TAOK1: variants seen among roughly 807,000 people sequenced by gnomAD.
TAOK1 encodes the protein TAO kinase 1.
TAOK1 carries 21 observed loss-of-function variants against 138.3 expected under a neutral mutation model. The observed-to-expected ratio is 0.15, with a 90% CI of 0.11 to 0.22. The LOEUF (loss-of-function observed/expected upper bound fraction) is 0.22. Among genes scored for constraint, TAOK1 ranks in the 10% least tolerant of loss-of-function variants. The pLI, the probability that TAOK1 is intolerant of heterozygous loss-of-function variation, is 1.00. For synonymous variants in TAOK1, 361 were observed against 398.4 expected (o/e 0.91, Z 1.12); for missense variants, 651 against 1,227.7 (o/e 0.53, Z 7.02).
intron 17 of TAOK1, among the ~76,000 whole-genome samples, chr17:29,524,638 A>C (rs2031977001): frequency 6.6e-6 from 1 of 152,234 alleles, no homozygotes; most frequent in South Asian, 2.1e-4. Context: ...TTACTTAGTC[A>C]ACTTGAACAT....
rs142453732 is a variant in TAOK1 at position 29,467,430 on chromosome 17, C to T, written c.204+214C>T. On this transcript the variant is annotated intron_variant, in intron 3 of 19. Coordinates refer to ENST00000261716, the MANE Select transcript of TAOK1 (RefSeq NM_020791.4). Reference sequence around the variant, plus strand: ...CTGGGACTACAGGCACCCGCCACCACGCCCAGCTAATTTTTTGTATTTTTA... The same window carrying T: ...CTGGGACTACAGGCACCCGCCACCATGCCCAGCTAATTTTTTGTATTTTTA... Among the ~76,000 whole-genome samples the T allele has an allele frequency of 4.8e-3, 728 of 152,224 alleles. 12 individuals carry two copies. The highest frequency in any genetic ancestry group is 0.017 in the African/African-American group (692 of 41,540).
intron 8 of TAOK1, among the ~76,000 whole-genome samples, chr17:29,488,460 C>CTCGGGAGTCTGAGACAGGAGAGAA (rs2031221048): frequency 2.0e-5 from 3 of 149,924 alleles, no homozygotes; most frequent in Non-Finnish European, 3.0e-5. Context: ...ATCCCAGGTA[C>CTCGGGAGTCTGAGACAGGAGAGAA]TCGGGAGGCT....
rs569518374 is a variant in TAOK1 at position 29,491,892 on chromosome 17, T to C, written c.831+27T>C. ...TCAGTTCTATTATAGTTTATTTATTTATTTTATTTTAAGACAAGGCCTCAC... is the reference window on the plus strand; with the variant it reads ...TCAGTTCTATTATAGTTTATTTATTCATTTTATTTTAAGACAAGGCCTCAC... On this transcript the variant is annotated intron_variant, in intron 10 of 19. Transcript: ENST00000261716. The C allele has an allele frequency of 5.8e-6, 9 of 1,547,048 alleles. No individual in the cohort carries two copies. The South Asian group carries it at 1.0e-4, about 18-fold the overall frequency.
chr17:29,409,522 A>G (rs1905091056), intron 1 of TAOK1, among the ~76,000 whole-genome samples: 1 of 151,502 alleles, frequency 6.6e-6, no homozygotes, highest in African/African-American at 2.4e-5. Context: ...TTTAGTAGAG[A>G]TGGGGTTTCA....
At chr17:29,526,819 TAAAAAAAAAAAAAAAA>T (rs71138830) in intron 17 of TAOK1, among the ~76,000 whole-genome samples, 3 of 50,952 alleles carry the variant, frequency 5.9e-5, no homozygotes, top group East Asian at 1.3e-3. Context: ...TCTCATCTCT[TAAAAAAAAAAAAAAAA>T]AAAAAAAAAA....
chr17:29,496,146 G>C (rs757160627), intron 11 of TAOK1, among the ~76,000 whole-genome samples: 5 of 151,970 alleles, frequency 3.3e-5, no homozygotes, highest in Admixed American at 6.6e-5. Context: ...TGTTGCCCAG[G>C]TTGGAGTGCA....
At chr17:29,519,542 A>C (rs2031879920) in intron 16 of TAOK1, among the ~76,000 whole-genome samples, 1 of 152,088 alleles carries the variant, frequency 6.6e-6, no homozygotes, top group African/African-American at 2.4e-5. Context: ...AAAGAAAAGA[A>C]AAAAATTATT....
rs775950791 is a variant in TAOK1 at position 29,482,291 on chromosome 17, A to G, written c.655+3A>G. On this transcript the variant is annotated splice_donor_region_variant and intron_variant, in intron 8 of 19. Transcript: ENST00000261716. ...TGGAATAACATGTATTGAACTAGGT[A>G]AGCATTGTTCTTCATTACTATGGAT... is the stretch of plus-strand genomic sequence containing the variant. 3 of 1,602,744 alleles carry G rather than the reference A, an allele frequency of 1.9e-6. No individual in the cohort carries two copies. Among genetic ancestry groups the G allele is most frequent in the South Asian group, 2.2e-5 (2 of 89,764 alleles).
chr17:29,513,139 GATAAA>G (rs2031754798), intron 15 of TAOK1: 1 of 129,366 alleles, frequency 7.7e-6, no homozygotes. Context: ...GATTGATTTT[GATAAA>G]ATAAGTATAA....
intron 1 of TAOK1, among the ~76,000 whole-genome samples, chr17:29,429,023 G>T (rs538279025): frequency 7.9e-4 from 120 of 152,178 alleles, no homozygotes; most frequent in Admixed American, 1.4e-3. Context: ...GAAAAATAGA[G>T]AATTTTTGAT....
intron 1 of TAOK1, among the ~76,000 whole-genome samples, chr17:29,415,032 T>C (rs1185833340): frequency 6.7e-6 from 1 of 150,268 alleles, no homozygotes; most frequent in African/African-American, 2.4e-5. Context: ...GGCGCAATCT[T>C]GACCTAGGCT....
At chr17:29,407,619 T>G (rs4795506) in intron 1 of TAOK1, among the ~76,000 whole-genome samples, 121,604 of 151,510 alleles carry the variant, frequency 0.8, 49,582 homozygotes, top group East Asian at 0.98. Flanking sequence ...GCTAATTTTT[T>G]TATTTTTTGT....
chr17:29,436,045 G>A (rs1468893465), intron 1 of TAOK1, among the ~76,000 whole-genome samples: 10 of 152,192 alleles, frequency 6.6e-5, no homozygotes, highest in Non-Finnish European at 1.2e-4. Flanking sequence ...CAAGGGAATC[G>A]GTTGAACCCG....
At chr17:29,516,588 C>T (rs35237108) in intron 15 of TAOK1, among the ~76,000 whole-genome samples, 1,792 of 151,408 alleles carry the variant, frequency 0.012, 17 homozygotes, top group Non-Finnish European at 0.02. Context: ...CTGCAACCTC[C>T]ACCTCCTGGG....
intron 12 of TAOK1, among the ~76,000 whole-genome samples, chr17:29,499,524 G>A (rs12936923): frequency 0.38 from 56,481 of 147,040 alleles, 11,901 homozygotes; most frequent in Middle Eastern, 0.49. Context: ...GAGCCACTGC[G>A]CCAAGACGTT....
intron 1 of TAOK1, among the ~76,000 whole-genome samples, chr17:29,410,620 T>TG (rs1905116592): frequency 2.3e-5 from 1 of 43,424 alleles, no homozygotes; most frequent in Non-Finnish European, 3.7e-5. Context: ...GGGTTTTTTG[T>TG]TTTTTTTTTT....
At chr17:29,464,443 CAAA>C (rs375412745) in intron 2 of TAOK1, among the ~76,000 whole-genome samples, 5 of 60,542 alleles carry the variant, frequency 8.3e-5, no homozygotes, top group African/African-American at 6.3e-5. Context: ...GACTCCATCT[CAAA>C]AAAAAAAAAA....
chr17:29,423,197 A>T (rs1598474853), intron 1 of TAOK1, among the ~76,000 whole-genome samples: 10 of 66,054 alleles, frequency 1.5e-4, no homozygotes, highest in African/African-American at 3.7e-4. Flanking sequence ...GGATGCTTAT[A>T]TTTTGGTACT....
chr17:29,427,159 T>A (rs1905666687), intron 1 of TAOK1, among the ~76,000 whole-genome samples: 1 of 152,142 alleles, frequency 6.6e-6, no homozygotes, highest in Non-Finnish European at 1.5e-5. Context: ...GTAATGCCAT[T>A]GGTGGAAAAT....
Sources: gnomAD v4.1 joint callset for allele counts (sites outside exome capture counted in the v4.1 genomes callset) on GRCh38, gnomAD v4.1.1 for gene constraint, MANE v1.5 for transcripts, NCBI Gene and HGNC (gene_info 2026-07-23, HGNC 2026-07-21) for gene names.